The following MAPK8 variants were observed in gnomAD, a reference collection of about 807,000 sequenced individuals.
The protein encoded by MAPK8 is mitogen-activated protein kinase 8.
In MAPK8, 13 loss-of-function variants were observed where a neutral mutation model predicts 52.9. That is an observed-to-expected ratio of 0.25 (90% CI 0.16 to 0.39). The LOEUF (loss-of-function observed/expected upper bound fraction) is 0.39. Ranked by LOEUF, MAPK8 falls within the 10% of genes least tolerant of loss-of-function variation. The pLI is 1.00. For missense variants in MAPK8, 300 were observed against 519.2 expected, an observed-to-expected ratio of 0.58 and a Z score of 4.10; for synonymous variants, 191 against 169.8, an observed-to-expected ratio of 1.12 and a Z score of -0.97.
At chr10:48,363,067 C>T (rs1867576) in intron 1 of MAPK8, among the ~76,000 whole-genome samples, 1,692 of 151,932 alleles carry the variant, frequency 0.011, 35 homozygotes, top group African/African-American at 0.039. Flanking sequence ...AATGGGGCCT[C>T]GCTGTGTTGC....
chr10:48,350,024 G>A (rs1370783252), intron 1 of MAPK8, among the ~76,000 whole-genome samples: 1 of 152,168 alleles, frequency 6.6e-6, no homozygotes, highest in Non-Finnish European at 1.5e-5. Context: ...TAGAAGAAAT[G>A]GGGAAATTCC....
In MAPK8 at chr10:48,431,154, A is replaced by T. The variant is rs1418669394; in HGVS notation, c.1061-39A>T. ...TACATGCGTTGTGAGATTGGCTCTT[A>T]GACTTTGAAAAGTTCATTTTTGTTT... On this transcript the variant is annotated intron_variant, in intron 10 of 11. Coordinates refer to ENST00000374189, the MANE Select transcript of MAPK8 (RefSeq NM_001323329.2). 10 of 1,358,088 alleles carry T rather than the reference A, an allele frequency of 7.4e-6. No individual in the cohort carries two copies. In the African/African-American group the frequency reaches 1.4e-4, roughly 19 times the overall value. The allele number at this position is 1,358,088 out of a possible 1,614,324, so 84.1% of individuals were successfully genotyped here.
intron 1 of MAPK8, among the ~76,000 whole-genome samples, chr10:48,341,399 T>C (rs1027090404): frequency 6.6e-6 from 1 of 152,234 alleles, no homozygotes; most frequent in Non-Finnish European, 1.5e-5. Flanking sequence ...ATGAAACTTT[T>C]TGAATGCCAG....
intron 1 of MAPK8, 82 bp from the exon 2 acceptor site, chr10:48,401,530 C>A: frequency 1.3e-6 from 1 of 799,682 alleles, no homozygotes. Context: ...GTGTTACTAT[C>A]AGTACGTAAA....
At chr10:48,329,406 C>G (rs1392242578) in intron 1 of MAPK8, among the ~76,000 whole-genome samples, 1 of 152,072 alleles carries the variant, frequency 6.6e-6, no homozygotes, top group Non-Finnish European at 1.5e-5. Context: ...TGGAAGAATT[C>G]AGAGCGGTGT....
intron 1 of MAPK8, among the ~76,000 whole-genome samples, chr10:48,317,306 C>T (rs1010798334): frequency 2.0e-5 from 3 of 152,120 alleles, no homozygotes; most frequent in East Asian, 1.9e-4. Context: ...TCCAGCCTCC[C>T]GAGTAGCTGG....
At chr10:48,414,139 C>A (rs1227058554) in intron 5 of MAPK8, among the ~76,000 whole-genome samples, 1 of 151,838 alleles carries the variant, frequency 6.6e-6, no homozygotes, top group South Asian at 2.1e-4. Context: ...TTTGTCTATT[C>A]TGGACATTTC....
chr10:48,381,475 C>T (rs577578740), intron 1 of MAPK8, among the ~76,000 whole-genome samples: 10 of 152,096 alleles, frequency 6.6e-5, no homozygotes, highest in East Asian at 1.9e-4. Context: ...ATATTAACTA[C>T]GATTTTAACT....
At position 48,391,237 on chromosome 10, in the gene MAPK8, G is replaced by C. The variant is rs1345177844; in HGVS notation, c.-49-10375G>C. Among the ~76,000 whole-genome samples, 3 of 152,164 alleles carry C rather than the reference G, an allele frequency of 2.0e-5. No homozygotes were observed. In the East Asian group the frequency reaches 5.8e-4, roughly 29 times the overall value. On this transcript the variant is annotated intron_variant, in intron 1 of 11. Transcript: ENST00000374189. ...GAACCTCAGTATTTCCATACTTTTGGTTGCACATTAATTCTTTTGAGCCTC... is the reference window on the plus strand; with the variant it reads ...GAACCTCAGTATTTCCATACTTTTGCTTGCACATTAATTCTTTTGAGCCTC...
At chr10:48,308,784 C>T (rs932996752) in intron 1 of MAPK8, among the ~76,000 whole-genome samples, 1 of 152,086 alleles carries the variant, frequency 6.6e-6, no homozygotes, top group African/African-American at 2.4e-5. Flanking sequence ...GAAATGTTTA[C>T]TTGAAATGTT....
At chr10:48,366,521 T>G (rs1209960556) in intron 1 of MAPK8, among the ~76,000 whole-genome samples, 3 of 152,198 alleles carry the variant, frequency 2.0e-5, no homozygotes, top group Non-Finnish European at 4.4e-5. Flanking sequence ...AAGGGTATAC[T>G]CCTAAGTTAG....
At chr10:48,406,948 C>T (rs530083504) in intron 3 of MAPK8, among the ~76,000 whole-genome samples, 142 of 152,328 alleles carry the variant, frequency 9.3e-4, no homozygotes, top group African/African-American at 3.4e-3. Context: ...ATTTCGTCCC[C>T]ATCTGACTCC....
chr10:48,341,025 C>T (rs1464519215), intron 1 of MAPK8, among the ~76,000 whole-genome samples: 1 of 152,210 alleles, frequency 6.6e-6, no homozygotes, highest in African/African-American at 2.4e-5. Flanking sequence ...TGTCTGACAA[C>T]AGTTTCTTAT....
intron 1 of MAPK8, chr10:48,308,164 G>T (rs1478346012): frequency 1.3e-5 from 2 of 152,132 alleles, no homozygotes; most frequent in African/African-American, 2.4e-5. Flanking sequence ...TTAAACCTAG[G>T]AGGTCAGATG....
intron 1 of MAPK8, among the ~76,000 whole-genome samples, chr10:48,376,729 CAG>C (rs1491310601): frequency 2.0e-5 from 3 of 151,094 alleles, no homozygotes; most frequent in African/African-American, 7.3e-5. Context: ...AATCAGGAAA[CAG>C]ATGCTGGAGA....
Position 48,364,023 on chromosome 10 carries a change from C to A in MAPK8, c.-49-37589C>A, listed in dbSNP as rs553800037. On this transcript the variant is annotated intron_variant, in intron 1 of 11. Transcript: ENST00000374189. ...TTTAGATTTCTTCAAACTAGGCATG[C>A]AGTTAATAATTCATCCATTTCTTCC... Among the ~76,000 whole-genome samples the A allele has an allele frequency of 5.9e-5, 9 of 152,264 alleles. No homozygotes were observed. The East Asian group carries it at 1.5e-3, about 26-fold the overall frequency.
At chr10:48,314,524 C>T (rs553149334) in intron 1 of MAPK8, among the ~76,000 whole-genome samples, 2 of 152,264 alleles carry the variant, frequency 1.3e-5, no homozygotes, top group African/African-American at 4.8e-5. Context: ...GTGCATACGT[C>T]GTGTTGCACT....
intron 11 of MAPK8, among the ~76,000 whole-genome samples, chr10:48,432,606 AGGT>A (rs1366540572): frequency 1.3e-5 from 2 of 152,230 alleles, no homozygotes; most frequent in African/African-American, 4.8e-5. Context: ...ATGGAGGCTC[AGGT>A]GGGATTTGAA....
intron 1 of MAPK8, among the ~76,000 whole-genome samples, chr10:48,370,616 A>G (rs1434539908): frequency 1.3e-5 from 2 of 152,188 alleles, no homozygotes; most frequent in Non-Finnish European, 2.9e-5. Context: ...GCAGGTCCTA[A>G]AATGAGGGTA....
Sources: gnomAD v4.1 joint callset for allele counts (sites outside exome capture counted in the v4.1 genomes callset) on GRCh38, gnomAD v4.1.1 for gene constraint, MANE v1.5 for transcripts, NCBI Gene and HGNC (gene_info 2026-07-23, HGNC 2026-07-21) for gene names.